The following BRSK1 variants were observed in gnomAD, a reference collection of about 807,000 sequenced individuals.
BRSK1 encodes the protein BR serine/threonine kinase 1, also known as serine/threonine-protein kinase BRSK1.
BRSK1 carries 17 observed loss-of-function variants against 86.2 expected under a neutral mutation model. The ratio of observed to expected loss-of-function variants is 0.20; its 90% CI spans 0.14 to 0.30. BRSK1 has a LOEUF of 0.30. Ranked by LOEUF, BRSK1 falls within the 10% of genes least tolerant of loss-of-function variation. The pLI, the probability that BRSK1 is intolerant of heterozygous loss-of-function variation, is 1.00. For synonymous variants in BRSK1, 464 were observed against 440.1 expected (o/e 1.05, Z -0.68); for missense variants, 719 against 1,071.9 (o/e 0.67, Z 4.60).
chr19:55,291,236 A>C (rs2088400825), intron 4 of BRSK1, among the ~76,000 whole-genome samples: 1 of 151,794 alleles, frequency 6.6e-6, no homozygotes, highest in Non-Finnish European at 1.5e-5. Context: ...CTATGTGTCC[A>C]CTTTTAAAGA....
chr19:55,301,816 C>T (rs1445082117), intron 8 of BRSK1, among the ~76,000 whole-genome samples, 158 bp downstream of exon 8: 3 of 152,220 alleles, frequency 2.0e-5, no homozygotes, highest in African/African-American at 7.2e-5. Flanking sequence ...AGCACAGCTG[C>T]CGCTCCAAAC....
Position 55,284,031 on chromosome 19 carries a change from G to T in BRSK1, c.-412G>T. Reference sequence around the variant, plus strand: ...TGTCAGCGTGCCGGAGAGAAAGGACGAGGTGGCGGGGGGAGGCGGAGAGGA... The same window carrying T: ...TGTCAGCGTGCCGGAGAGAAAGGACTAGGTGGCGGGGGGAGGCGGAGAGGA... On this transcript the variant is annotated 5_prime_UTR_variant, in exon 1 of 19. Coordinates refer to ENST00000309383, the MANE Select transcript of BRSK1 (RefSeq NM_032430.2). 8.1e-7 allele frequency: 1 copy of T among 1,237,448 alleles called. No homozygotes were observed. The highest frequency in any genetic ancestry group is 1.0e-6 in the Non-Finnish European group (1 of 991,556). 76.7% of individuals were successfully genotyped at this position (1,237,448 alleles called of 1,614,324 possible).
At position 55,305,480 on chromosome 19, in the gene BRSK1, G is replaced by T; in HGVS notation, c.1784G>T (p.Trp595Leu). 1 of 1,614,174 alleles carries T rather than the reference G, an allele frequency of 6.2e-7. No homozygotes were observed. Among genetic ancestry groups the T allele is most frequent in the Non-Finnish European group, 8.5e-7 (1 of 1,180,018 alleles). The change falls in exon 16 of 19, where the codon TGG becomes TTG. Residue 595 changes from tryptophan (W) to leucine (L), a missense_variant. Coordinates refer to ENST00000309383, the MANE Select transcript of BRSK1 (RefSeq NM_032430.2). ...CCACTCAGGCTGGCAAAACGCTCCT[G>T]GTTCGGGAACTTCATCTCCTTGGAC... Reference protein sequence around the residue: ...ESSPELAKRSWFGNFISLDKE... With the variant: ...ESSPELAKRSLFGNFISLDKE...
In BRSK1 at chr19:55,305,594, G is replaced by T. The variant is rs774709081; in HGVS notation, c.1890+8G>T. The T allele has an allele frequency of 1.9e-6, 3 of 1,613,790 alleles. No individual in the cohort carries two copies. Among genetic ancestry groups the T allele is most frequent in the Non-Finnish European group, 2.5e-6 (3 of 1,180,032 alleles). On this transcript the variant is annotated splice_region_variant and intron_variant, in intron 16 of 18. Transcript: ENST00000309383. ...GTCCATGCCTTTCTGTCGGTGAGGGGCCTGGGTCCCCATCGAGCCTGGCCC... is the reference window on the plus strand; with the variant it reads ...GTCCATGCCTTTCTGTCGGTGAGGGTCCTGGGTCCCCATCGAGCCTGGCCC...
Position 55,302,978 on chromosome 19 carries a change from G to A in BRSK1, c.1028+111G>A, listed in dbSNP as rs2088594670. On this transcript the variant is annotated intron_variant, in intron 10 of 18. Transcript: ENST00000309383. The surrounding 1 kb of genome is among the most constrained non-coding windows in gnomAD (Gnocchi z 6.3). ...GAACCCTGGCCTCTCATGGGGCATG[G>A]TTTGAAGCTCCCGCCTGGGAGTGAT... 4 of 1,405,756 alleles carry A rather than the reference G, an allele frequency of 2.8e-6. No homozygotes were observed. In the East Asian group the frequency reaches 7.4e-5, roughly 26 times the overall value. 87.1% of individuals were successfully genotyped at this position (1,405,756 alleles called of 1,614,324 possible). A position where few individuals can be genotyped will look rare whatever the true frequency, so the allele number is the denominator to read the frequency against.
intron 7 of BRSK1, among the ~76,000 whole-genome samples, chr19:55,296,191 T>G (rs1281570938): frequency 6.6e-6 from 1 of 151,990 alleles, no homozygotes; most frequent in Non-Finnish European, 1.5e-5. Flanking sequence ...GTAGGCTCCC[T>G]TCTTCCTGGC....
rs1172820 is a variant in BRSK1 at position 55,304,526 on chromosome 19, T to G, written c.1348-25T>G. On this transcript the variant is annotated intron_variant, in intron 13 of 18. Transcript: ENST00000309383. The surrounding 1 kb of genome is among the most constrained non-coding windows in gnomAD (Gnocchi z 5.2). Reference sequence around the variant, plus strand: ...TCCTGGGAGTTGTAGTCCACTCGCTTATCTCAGTCTCCTGTCCTCTGCAGA... The same window carrying G: ...TCCTGGGAGTTGTAGTCCACTCGCTGATCTCAGTCTCCTGTCCTCTGCAGA... 7.9e-6 allele frequency: 12 copies of G among 1,524,366 alleles called. 1 individual carries two copies. Among genetic ancestry groups the G allele is most frequent in the Admixed American group, 2.3e-5 (1 of 43,154 alleles). 94.4% of individuals were successfully genotyped at this position (1,524,366 alleles called of 1,614,324 possible).
At chr19:55,305,200 G>A (rs1251677002) in intron 14 of BRSK1, 121 bp from the exon 15 acceptor site, 10 of 1,372,402 alleles carry the variant, frequency 7.3e-6, no homozygotes, top group Non-Finnish European at 1.0e-5. Context: ...AGGAGGGATG[G>A]CTTGGCCGAG....
intron 7 of BRSK1, among the ~76,000 whole-genome samples, chr19:55,300,155 G>A (rs987734014): frequency 7.2e-5 from 11 of 152,192 alleles, no homozygotes; most frequent in African/African-American, 2.7e-4. Flanking sequence ...ACTCCAGGAG[G>A]GCAGGGATGT....
At chr19:55,286,329 G>T (rs1391453693) in intron 1 of BRSK1, among the ~76,000 whole-genome samples, 1 of 151,914 alleles carries the variant, frequency 6.6e-6, no homozygotes, top group Non-Finnish European at 1.5e-5. Flanking sequence ...GGCTTTGGGG[G>T]CTCAGGTCCT....
intron 1 of BRSK1, among the ~76,000 whole-genome samples, chr19:55,285,390 G>A (rs2088295160): frequency 6.6e-6 from 1 of 152,132 alleles, no homozygotes; most frequent in Admixed American, 6.5e-5. Context: ...CCAGGGAGGG[G>A]ATGGAGGCGG....
intron 7 of BRSK1, among the ~76,000 whole-genome samples, chr19:55,297,052 A>G (rs1234922308): frequency 1.3e-5 from 2 of 152,146 alleles, no homozygotes; most frequent in Non-Finnish European, 2.9e-5. Flanking sequence ...AGTAGAAAAG[A>G]AAAAGAATAC....
At chr19:55,289,961 A>C (rs1370854936) in intron 4 of BRSK1, among the ~76,000 whole-genome samples, 1 of 152,086 alleles carries the variant, frequency 6.6e-6, no homozygotes, top group African/African-American at 2.4e-5. Flanking sequence ...CGTTTTATAT[A>C]AATGGAATCA....
intron 3 of BRSK1, chr19:55,288,020 G>T (rs927707995): frequency 6.5e-6 from 1 of 154,248 alleles, no homozygotes; most frequent in Non-Finnish European, 1.4e-5. Flanking sequence ...CTGTCTGCCC[G>T]GCGCTCATGG....
intron 17 of BRSK1, among the ~76,000 whole-genome samples, chr19:55,307,788 A>G (rs2088680825): frequency 2.0e-5 from 2 of 97,818 alleles, no homozygotes; most frequent in Admixed American, 2.1e-4. Context: ...ACACACACAC[A>G]ATTTAAAAAA....
chr19:55,286,051 AG>A (rs2122925059), intron 1 of BRSK1, among the ~76,000 whole-genome samples: 1 of 52,556 alleles, frequency 1.9e-5, no homozygotes, highest in South Asian at 7.0e-4. Context: ...GGGGGTCTGG[AG>A]TGCTGGGTCT....
In BRSK1 at chr19:55,306,229, TC is replaced by T. The variant is rs1419881025; in HGVS notation, c.1891-21del. ...GTATCCATTTCCTGGGCTCACCCCTTCCTGTGTTCCTACCTCGCTCAGATCC... is the reference window on the plus strand; with the variant it reads ...GTATCCATTTCCTGGGCTCACCCCTTCTGTGTTCCTACCTCGCTCAGATCC... On this transcript the variant is annotated intron_variant, in intron 16 of 18. Transcript: ENST00000309383. The surrounding 1 kb of genome is among the most constrained non-coding windows in gnomAD (Gnocchi z 4.7). 6.2e-7 allele frequency: 1 copy of T among 1,612,440 alleles called. No homozygotes were observed. The highest frequency in any genetic ancestry group is 1.7e-5 in the Admixed American group (1 of 59,984).
intron 8 of BRSK1, among the ~76,000 whole-genome samples, chr19:55,301,895 C>T (rs988978535): frequency 6.6e-6 from 1 of 152,134 alleles, no homozygotes; most frequent in Non-Finnish European, 1.5e-5. Context: ...AGTAAGGAGG[C>T]GAACAGGATG....
Position 55,286,021 on chromosome 19 carries a change from A to T in BRSK1, c.137-986A>T, listed in dbSNP as rs7258436. 6.7e-3 allele frequency among the ~76,000 whole-genome samples: 299 copies of T among 44,706 alleles called. 6 individuals carry two copies. The highest frequency in any genetic ancestry group is 0.021 in the African/African-American group (254 of 11,924). 29.3% of individuals were successfully genotyped at this position (44,706 alleles called of 152,430 possible). A position where few individuals can be genotyped will look rare whatever the true frequency, so the allele number is the denominator to read the frequency against. ...GAGGAACTGGGGGTCTGGAGTGCTG[A>T]GTCTAAGGGAGGAGGGGCTGGGGGT... On this transcript the variant is annotated intron_variant, in intron 1 of 18. Coordinates refer to ENST00000309383, the MANE Select transcript of BRSK1 (RefSeq NM_032430.2).
Sources: allele counts gnomAD v4.1 joint callset (sites outside exome capture counted in the v4.1 genomes callset), GRCh38; gene constraint gnomAD v4.1.1; non-coding constraint Gnocchi (gnomAD v3.1); transcripts MANE v1.5; gene names NCBI Gene and HGNC (gene_info 2026-07-23, HGNC 2026-07-21).